GNG12: variants seen among roughly 807,000 people sequenced by gnomAD.
GNG12 encodes the protein guanine nucleotide-binding protein G(I)/G(S)/G(O) subunit gamma-12.
For missense variants in GNG12, 69 were observed against 83.8 expected, an observed-to-expected ratio of 0.82 and a Z score of 0.69; for synonymous variants, 28 against 29.7, an observed-to-expected ratio of 0.94 and a Z score of 0.19.
At chr1:67,805,469 T>C (rs1325563668) in intron 1 of GNG12, among the ~76,000 whole-genome samples, 3 of 152,246 alleles carry the variant, frequency 2.0e-5, no homozygotes, top group African/African-American at 7.2e-5. Flanking sequence ...AGATGAATAA[T>C]GTAAGTAGAA....
intron 1 of GNG12, among the ~76,000 whole-genome samples, chr1:67,801,412 G>T (rs1051599831): frequency 3.3e-5 from 5 of 152,196 alleles, no homozygotes; most frequent in African/African-American, 1.2e-4. Flanking sequence ...CCACAGGATT[G>T]AACCCAGGTC....
At chr1:67,747,696 G>C (rs771203281) in intron 2 of GNG12, among the ~76,000 whole-genome samples, 2 of 152,216 alleles carry the variant, frequency 1.3e-5, no homozygotes, top group African/African-American at 2.4e-5. Context: ...TACCTAAAAA[G>C]TCTGATTTTA....
chr1:67,739,073 G>T (rs543149869), intron 2 of GNG12, among the ~76,000 whole-genome samples: 24 of 152,172 alleles, frequency 1.6e-4, no homozygotes, highest in Non-Finnish European at 2.6e-4. Context: ...CAGCTACTTG[G>T]GAGGCTGAGG....
intron 2 of GNG12, among the ~76,000 whole-genome samples, chr1:67,721,994 CA>C (rs1278487151): frequency 6.6e-6 from 1 of 152,088 alleles, no homozygotes; most frequent in East Asian, 1.9e-4. Flanking sequence ...CAGAAGAACA[CA>C]GAAAGAACAA....
chr1:67,723,368 A>AGAGGGAGT (rs1472491717), intron 2 of GNG12, among the ~76,000 whole-genome samples: 1 of 152,216 alleles, frequency 6.6e-6, no homozygotes, highest in African/African-American at 2.4e-5. Context: ...GTAGGGAAAC[A>AGAGGGAGT]GAGGGAGTGT....
chr1:67,806,675 T>C (rs1646896086), intron 1 of GNG12, among the ~76,000 whole-genome samples: 1 of 152,062 alleles, frequency 6.6e-6, no homozygotes, highest in Admixed American at 6.6e-5. Context: ...GGAAAGTTAC[T>C]AGGAATAAAG....
chr1:67,725,104 C>T lies in GNG12; in HGVS notation c.-26-17392G>A, dbSNP rs561072316. Among the ~76,000 whole-genome samples the T allele has an allele frequency of 4.6e-5, 7 of 152,164 alleles. No individual in the cohort carries two copies. The South Asian group carries it at 1.5e-3, about 32-fold the overall frequency. ...GGAGCATGGACAGGATTAAAAAAGC[C>T]ACAATCTGGGCCCTCTGCCCATTTC... is the stretch of plus-strand genomic sequence containing the variant. On this transcript the variant is annotated intron_variant, in intron 2 of 3. Coordinates refer to ENST00000370982, the MANE Select transcript of GNG12 (RefSeq NM_018841.6).
Position 67,776,834 on chromosome 1 carries a change from T to C in GNG12, c.-27+624A>G, listed in dbSNP as rs561167156. Among the ~76,000 whole-genome samples, 176 of 152,290 alleles carry C rather than the reference T, an allele frequency of 1.2e-3. 1 individual carries two copies. Among genetic ancestry groups the C allele is most frequent in the African/African-American group, 4.1e-3 (169 of 41,562 alleles). On this transcript the variant is annotated intron_variant, in intron 2 of 3. Transcript: ENST00000370982. ...GGCAGTAAATTTTGGGGTGGTTTGT[T>C]ATGCAGCATAATATAACTGATACAC...
intron 2 of GNG12, among the ~76,000 whole-genome samples, chr1:67,769,917 C>T (rs1052304238): frequency 6.6e-6 from 1 of 152,160 alleles, no homozygotes; most frequent in African/African-American, 2.4e-5. Context: ...GAGGGAGCAG[C>T]ATCTTTCCAA....
At chr1:67,732,080 C>G (rs1159401827) in intron 2 of GNG12, among the ~76,000 whole-genome samples, 1 of 152,182 alleles carries the variant, frequency 6.6e-6, no homozygotes, top group Non-Finnish European at 1.5e-5. Context: ...TATAAATAAG[C>G]TGGATGAATT....
At chr1:67,710,108 A>ATATAGT (rs1646282983) in intron 2 of GNG12, among the ~76,000 whole-genome samples, 4 of 23,182 alleles carry the variant, frequency 1.7e-4, no homozygotes, top group African/African-American at 5.4e-4. Flanking sequence ...ATAGTTATAT[A>ATATAGT]TATAGTTATA....
rs1443008786 is a variant in GNG12, at chr1:67,704,364, G to A, written c.*1087C>T. On this transcript the variant is annotated 3_prime_UTR_variant, in exon 4 of 4. Coordinates refer to ENST00000370982, the MANE Select transcript of GNG12 (RefSeq NM_018841.6). ...TCCTCACCGTATTCCACATACCTGTGGCTGGGGAAGGTAATGTTACCTCTG... is the reference window on the plus strand; with the variant it reads ...TCCTCACCGTATTCCACATACCTGTAGCTGGGGAAGGTAATGTTACCTCTG... 6.6e-6 allele frequency: 1 copy of A among 151,948 alleles called. No homozygotes were observed. The highest frequency in any genetic ancestry group is 1.5e-5 in the Non-Finnish European group (1 of 68,016). 9.4% of individuals were successfully genotyped at this position (151,948 alleles called of 1,614,324 possible).
chr1:67,717,509 CTG>C (rs1646332907), intron 2 of GNG12, among the ~76,000 whole-genome samples: 1 of 144,204 alleles, frequency 6.9e-6, no homozygotes, highest in Non-Finnish European at 1.5e-5. Context: ...AAGTGAGACT[CTG>C]TCAAAAAAAA....
chr1:67,816,836 C>G (rs1646956193), intron 1 of GNG12, among the ~76,000 whole-genome samples: 1 of 152,218 alleles, frequency 6.6e-6, no homozygotes, highest in Non-Finnish European at 1.5e-5. Context: ...GTGTGGGGCT[C>G]TAACTCCACC....
intron 2 of GNG12, among the ~76,000 whole-genome samples, chr1:67,761,480 A>G: frequency 6.6e-6 from 1 of 152,256 alleles, no homozygotes; most frequent in South Asian, 2.1e-4. Flanking sequence ...GCTCTCATGA[A>G]GGGAATGGAT....
intron 2 of GNG12, among the ~76,000 whole-genome samples, chr1:67,742,858 T>C (rs911049927): frequency 6.6e-6 from 1 of 152,094 alleles, no homozygotes; most frequent in African/African-American, 2.4e-5. Flanking sequence ...TAATTACACA[T>C]CAAACTAGTG....
intron 1 of GNG12, among the ~76,000 whole-genome samples, chr1:67,828,283 T>C (rs2100831018): frequency 6.6e-6 from 1 of 152,262 alleles, no homozygotes; most frequent in African/African-American, 2.4e-5. Context: ...CTCAGGAAGG[T>C]CACCTAAAAG....
chr1:67,783,466 A>G (rs1009013485), intron 1 of GNG12, among the ~76,000 whole-genome samples: 2 of 152,200 alleles, frequency 1.3e-5, no homozygotes, highest in Admixed American at 1.3e-4. Context: ...TATTTTATAC[A>G]TAAAATAGTA....
intron 1 of GNG12, among the ~76,000 whole-genome samples, chr1:67,784,639 T>C (rs932566877): frequency 3.3e-5 from 5 of 152,202 alleles, no homozygotes; most frequent in African/African-American, 1.2e-4. Context: ...GTTATTCGTA[T>C]ACTATGATCC....
Sources: allele counts gnomAD v4.1 joint callset (sites outside exome capture counted in the v4.1 genomes callset), GRCh38; gene constraint gnomAD v4.1.1; transcripts MANE v1.5; gene names NCBI Gene and HGNC (gene_info 2026-07-23, HGNC 2026-07-21).